The following CMSS1 variants were observed in gnomAD, a reference collection of about 807,000 sequenced individuals.
CMSS1 encodes cms1 ribosomal small subunit homolog, also known as protein CMSS1.
In CMSS1, 33 loss-of-function variants were observed where a neutral mutation model predicts 43.5. The observed-to-expected ratio is 0.76, with a 90% CI of 0.57 to 1.01. The LOEUF (loss-of-function observed/expected upper bound fraction) is 1.01. Ranked by LOEUF, CMSS1 falls within the 50% of genes least tolerant of loss-of-function variation. The probability of loss-of-function intolerance (pLI) is 0.00; values close to 1 mark genes in which losing one functional copy is unlikely to be tolerated. For synonymous variants in CMSS1, 115 were observed against 117.2 expected (o/e 0.98, Z 0.12); for missense variants, 313 against 326.4 (o/e 0.96, Z 0.32).
chr3:100,178,413 GT>G lies in CMSS1; in HGVS notation c.*29del. 6.9e-7 allele frequency: 1 copy of G among 1,441,846 alleles called. No individual in the cohort carries two copies. Among genetic ancestry groups the G allele is most frequent in the South Asian group, 1.2e-5 (1 of 85,600 alleles). The allele number at this position is 1,441,846 out of a possible 1,614,324, so 89.3% of individuals were successfully genotyped here. A position where few individuals can be genotyped will look rare whatever the true frequency, so the allele number is the denominator to read the frequency against. ...AGTCTGTGTCCTAATGAAGATTCCAGTTTTCACAGTAGAAGTTGCATCTTAT... is the reference window on the plus strand; with the variant it reads ...AGTCTGTGTCCTAATGAAGATTCCAGTTTCACAGTAGAAGTTGCATCTTAT... On this transcript the variant is annotated 3_prime_UTR_variant, in exon 10 of 10. Transcript: ENST00000421999.
chr3:100,084,530 C>T (rs1397750864), intron 1 of CMSS1, among the ~76,000 whole-genome samples: 6 of 152,096 alleles, frequency 3.9e-5, no homozygotes, highest in African/African-American at 1.2e-4. Context: ...CCACTAAAAA[C>T]GGGAAAACAA....
intron 1 of CMSS1, chr3:100,041,114 G>T (rs112071651): frequency 6.6e-5 from 10 of 152,242 alleles, no homozygotes; most frequent in African/African-American, 2.2e-4. Context: ...GACTGCCAAA[G>T]TTTTATTTCA....
intron 1 of CMSS1, chr3:99,850,010 T>C (rs1261970570): frequency 6.2e-7 from 1 of 1,607,984 alleles, no homozygotes; most frequent in African/African-American, 1.3e-5. Context: ...CTGTACATCT[T>C]TTCTTCTACA....
chr3:99,865,978 C>T (rs932219912), intron 1 of CMSS1, among the ~76,000 whole-genome samples: 1 of 151,958 alleles, frequency 6.6e-6, no homozygotes, highest in Admixed American at 6.6e-5. Flanking sequence ...TCCCAGGTCA[C>T]AGGTTATTTT....
chr3:100,136,991 C>T (rs2066761247), intron 1 of CMSS1, among the ~76,000 whole-genome samples: 2 of 152,388 alleles, frequency 1.3e-5, no homozygotes, highest in South Asian at 2.1e-4. Flanking sequence ...CCCTTCCCTT[C>T]CCTATGATCT....
chr3:100,156,466 G>A (rs573510297), intron 2 of CMSS1, among the ~76,000 whole-genome samples: 9 of 151,796 alleles, frequency 5.9e-5, no homozygotes, highest in Admixed American at 1.3e-4. Flanking sequence ...GCGCCACCAC[G>A]CCCAGCTAAT....
At chr3:99,834,141 T>C (rs894355280) in intron 1 of CMSS1, among the ~76,000 whole-genome samples, 12 of 152,334 alleles carry the variant, frequency 7.9e-5, no homozygotes, top group Middle Eastern at 3.4e-3. Flanking sequence ...GGCTTTTTTC[T>C]CTTGATTTTT....
intron 1 of CMSS1, among the ~76,000 whole-genome samples, chr3:99,992,046 C>G (rs1576626417): frequency 1.3e-5 from 2 of 150,570 alleles, no homozygotes; most frequent in Admixed American, 1.3e-4. Flanking sequence ...ATATATACCA[C>G]TCTTTCTTTA....
At chr3:99,929,996 C>A in intron 1 of CMSS1, 1 of 1,613,692 alleles carries the variant, frequency 6.2e-7, no homozygotes, top group African/African-American at 1.3e-5. Context: ...TCCATTTTTT[C>A]AGCCTTTAAA....
At chr3:99,906,249 CGTT>C (rs1311435545) in intron 1 of CMSS1, among the ~76,000 whole-genome samples, 2 of 152,126 alleles carry the variant, frequency 1.3e-5, no homozygotes, top group African/African-American at 2.4e-5. Flanking sequence ...AGTACTCCCT[CGTT>C]GTAAATTTAA....
chr3:99,955,679 TC>T (rs974236328), intron 1 of CMSS1, among the ~76,000 whole-genome samples: 2 of 152,242 alleles, frequency 1.3e-5, no homozygotes, highest in Non-Finnish European at 2.9e-5. Context: ...TGAAATAACT[TC>T]CTGGAGCATT....
intron 1 of CMSS1, among the ~76,000 whole-genome samples, chr3:99,821,133 A>G (rs552420799): frequency 6.6e-6 from 1 of 152,300 alleles, no homozygotes; most frequent in South Asian, 2.1e-4. Flanking sequence ...TAGATGTGGT[A>G]TGTAACAAAG....
intron 1 of CMSS1, among the ~76,000 whole-genome samples, chr3:99,869,030 A>C (rs1274765847): frequency 6.6e-6 from 1 of 152,208 alleles, no homozygotes; most frequent in Non-Finnish European, 1.5e-5. Context: ...GAGAGGTAAA[A>C]AGAACCACTT....
chr3:100,109,251 A>G (rs2066446542), intron 1 of CMSS1, among the ~76,000 whole-genome samples: 1 of 152,100 alleles, frequency 6.6e-6, no homozygotes, highest in Admixed American at 6.6e-5. Context: ...AATCTGCAAG[A>G]ATTCCATACA....
At chr3:100,021,111 G>T (rs948612592) in intron 1 of CMSS1, among the ~76,000 whole-genome samples, 1 of 152,110 alleles carries the variant, frequency 6.6e-6, no homozygotes, top group Admixed American at 6.6e-5. Context: ...TTTCAAGGCC[G>T]GTCAATTGCC....
intron 1 of CMSS1, among the ~76,000 whole-genome samples, chr3:99,957,689 C>CTTTTTTTTTTTTTTTTTTTTTT (rs1708363173): frequency 1.3e-4 from 1 of 7,964 alleles, no homozygotes; most frequent in African/African-American, 5.6e-4. Flanking sequence ...TCTTTTCTTT[C>CTTTTTTTTTTTTTTTTTTTTTT]TTTCTTTTTT....
At chr3:99,863,389 C>T (rs1288829883) in intron 1 of CMSS1, among the ~76,000 whole-genome samples, 1 of 152,122 alleles carries the variant, frequency 6.6e-6, no homozygotes, top group Non-Finnish European at 1.5e-5. Context: ...GGGTTGGGGA[C>T]TCCTGTACGT....
chr3:100,103,912 A>G (rs1175202798), intron 1 of CMSS1, among the ~76,000 whole-genome samples: 1 of 152,202 alleles, frequency 6.6e-6, no homozygotes, highest in Non-Finnish European at 1.5e-5. Context: ...ATTAATAAGA[A>G]TCATGAGCAC....
chr3:99,885,156 A>G (rs1705852798), intron 1 of CMSS1, among the ~76,000 whole-genome samples: 1 of 152,210 alleles, frequency 6.6e-6, no homozygotes, highest in Admixed American at 6.5e-5. Context: ...TCTAATGGAA[A>G]CTGTTCCAGC....
Sources: gnomAD v4.1 joint callset for allele counts (sites outside exome capture counted in the v4.1 genomes callset) on GRCh38, gnomAD v4.1.1 for gene constraint, MANE v1.5 for transcripts, NCBI Gene and HGNC (gene_info 2026-07-23, HGNC 2026-07-21) for gene names.